Variants in PIEZO1 observed in about 807,000 individuals in gnomAD.
The protein encoded by PIEZO1 is piezo-type mechanosensitive ion channel component 1.
In PIEZO1, 296 loss-of-function variants were observed where a neutral mutation model predicts 297.2. The observed-to-expected ratio is 1.00, with a 90% CI of 0.91 to 1.10. PIEZO1 has a LOEUF of 1.10. PIEZO1 is among the 50% of genes least tolerant of loss of function. PIEZO1 has a pLI of 0.00. For missense variants in PIEZO1, 5,018 were observed against 3,455.5 expected, an observed-to-expected ratio of 1.45 and a Z score of -11.34; for synonymous variants, 2,427 against 1,507.5, an observed-to-expected ratio of 1.61 and a Z score of -14.13.
chr16:88,751,076 G>T (rs901130290), intron 1 of PIEZO1, among the ~76,000 whole-genome samples: 1 of 152,064 alleles, frequency 6.6e-6, no homozygotes, highest in Admixed American at 6.6e-5. Flanking sequence ...CCCATCCTTG[G>T]TGCCAAAGGA....
intron 5 of PIEZO1, chr16:88,740,183 C>T (rs1052220590): frequency 3.9e-5 from 6 of 152,268 alleles, no homozygotes; most frequent in Admixed American, 2.0e-4. Flanking sequence ...GTGTGTTGCC[C>T]ATATGTGGGA....
intron 1 of PIEZO1, among the ~76,000 whole-genome samples, chr16:88,755,295 G>A (rs1252516751): frequency 6.6e-6 from 1 of 152,182 alleles, no homozygotes; most frequent in Non-Finnish European, 1.5e-5. Flanking sequence ...ATTAACCCCG[G>A]GTCTCGGAAT....
intron 1 of PIEZO1, among the ~76,000 whole-genome samples, chr16:88,773,457 C>T (rs1377284060): frequency 2.6e-5 from 4 of 152,230 alleles, no homozygotes. Flanking sequence ...GCACAGACTG[C>T]CTCCACGTGG....
At position 88,722,704 on chromosome 16, in the gene PIEZO1, A is replaced by G; in HGVS notation, c.4669-15T>C. 1 of 1,534,340 alleles carries G rather than the reference A, an allele frequency of 6.5e-7. No individual in the cohort carries two copies. The highest frequency in any genetic ancestry group is 8.7e-7 in the Non-Finnish European group (1 of 1,144,238). On this transcript the variant is annotated splice_polypyrimidine_tract_variant and intron_variant, in intron 34 of 50. Transcript: ENST00000301015. ...ACTTCGCCGCCCTGCAGGGCACAGC[A>G]GGGGGCTCAGGGCTGCGTCCAGCTC...
chr16:88,738,482 ATGTG>A, intron 6 of PIEZO1, 42 bp from the exon 7 acceptor site: 2 of 1,530,784 alleles, frequency 1.3e-6, no homozygotes, highest in South Asian at 2.4e-5. Flanking sequence ...GGCCAGTGCC[ATGTG>A]TCCCGCTGTC....
At chr16:88,731,957 G>GAGGGGGGGT (rs151293846) in intron 21 of PIEZO1, 47 bp from the exon 22 acceptor site, 1 of 97,896 alleles carries the variant, frequency 1.0e-5, no homozygotes, top group Non-Finnish European at 1.9e-5. Flanking sequence ...GAGTCTGGGG[G>GAGGGGGGGT]GAGGGACTTT....
In PIEZO1 at chr16:88,715,900, A is replaced by C. The variant is rs754183551; in HGVS notation, c.7316+33T>G. 3 of 1,535,384 alleles carry C rather than the reference A, an allele frequency of 2.0e-6. No homozygotes were observed. The South Asian group carries it at 3.6e-5, about 18-fold the overall frequency. On this transcript the variant is annotated intron_variant, in intron 50 of 50. Transcript: ENST00000301015. ...TCCTGGGGCCGCCCGGAGCCCCCCG[A>C]GCTGCGGGGTGCCCCCCCAGCCACT...
At chr16:88,748,956 A>T (rs1407025749) in intron 2 of PIEZO1, among the ~76,000 whole-genome samples, 3 of 122,436 alleles carry the variant, frequency 2.5e-5, no homozygotes, top group Non-Finnish European at 5.1e-5. Flanking sequence ...AAAAAAAAAA[A>T]GCCGGGCGCG....
intron 1 of PIEZO1, among the ~76,000 whole-genome samples, chr16:88,761,799 C>T (rs1906946729): frequency 6.6e-6 from 1 of 151,792 alleles, no homozygotes; most frequent in Non-Finnish European, 1.5e-5. Context: ...CACAGACGAC[C>T]AGCAGCGCTG....
intron 1 of PIEZO1, among the ~76,000 whole-genome samples, chr16:88,778,257 T>C (rs1473165931): frequency 6.6e-6 from 1 of 152,136 alleles, no homozygotes; most frequent in Non-Finnish European, 1.5e-5. Flanking sequence ...TTCTTGACTC[T>C]TCCTGGGCCC....
chr16:88,738,414 T>C lies in PIEZO1; in HGVS notation c.661A>G (p.Ser221Gly), dbSNP rs931908026. Residue 221 changes from serine to glycine, a missense_variant, in exon 7 of 51, where the codon AGT becomes GGT. Physicochemically the swap from Ser to Gly is moderately conservative, Grantham distance 56. Transcript: ENST00000301015. ...AGIAHPSALS[S>G]VYLLLFLALC... Reference sequence around the variant, plus strand: ...GCCAGGAAGAGCAGCAGGTAGACACTGGAGAGGGCCGAGGGGTGGGCGATG... The same window carrying C: ...GCCAGGAAGAGCAGCAGGTAGACACCGGAGAGGGCCGAGGGGTGGGCGATG... 6 of 1,535,572 alleles carry C rather than the reference T, an allele frequency of 3.9e-6. No homozygotes were observed. Among genetic ancestry groups the C allele is most frequent in the Non-Finnish European group, 5.2e-6 (6 of 1,146,806 alleles).
At chr16:88,722,802 G>C in intron 34 of PIEZO1, 35 bp downstream of exon 34, 1 of 1,538,030 alleles carries the variant, frequency 6.5e-7, no homozygotes, top group Non-Finnish European at 8.7e-7. Context: ...TAGTCAGGCA[G>C]AGCAGGGACG....
Position 88,719,233 on chromosome 16 carries a change from G to A in PIEZO1, c.6471+341C>T, listed in dbSNP as rs117275468. 1.3e-3 allele frequency: 377 copies of A among 285,882 alleles called. 3 individuals carry two copies. The East Asian group carries it at 0.029, about 22-fold the overall frequency. 17.7% of individuals were successfully genotyped at this position (285,882 alleles called of 1,614,324 possible). Reference sequence around the variant, plus strand: ...CCCTGAGTTGTACTTTTTACGTGGGGGAGTGGTCTGACGCACGAATTCTCT... The same window carrying A: ...CCCTGAGTTGTACTTTTTACGTGGGAGAGTGGTCTGACGCACGAATTCTCT... On this transcript the variant is annotated intron_variant, in intron 44 of 50. Coordinates refer to ENST00000301015, the MANE Select transcript of PIEZO1 (RefSeq NM_001142864.4).
chr16:88,743,818 C>T (rs564884956), intron 2 of PIEZO1: 199 of 369,672 alleles, frequency 5.4e-4, no homozygotes, highest in Non-Finnish European at 7.0e-4. Flanking sequence ...CCTAGGGTTG[C>T]CCCAGGCCCT....
At chr16:88,776,048 A>G (rs540783785) in intron 1 of PIEZO1, among the ~76,000 whole-genome samples, 15 of 152,352 alleles carry the variant, frequency 9.8e-5, no homozygotes, top group African/African-American at 3.4e-4. Flanking sequence ...AGCCAGGCCC[A>G]CGGGCTACAA....
At chr16:88,735,562 T>C (rs912901148) in intron 12 of PIEZO1, among the ~76,000 whole-genome samples, 1 of 152,270 alleles carries the variant, frequency 6.6e-6, no homozygotes, top group Admixed American at 6.5e-5. Flanking sequence ...CATGCTGGAG[T>C]GCATGTTTGC....
chr16:88,767,567 A>G (rs1016266892), intron 1 of PIEZO1, among the ~76,000 whole-genome samples: 2 of 152,188 alleles, frequency 1.3e-5, no homozygotes, highest in African/African-American at 2.4e-5. Context: ...CAGGACCCCA[A>G]GAGCCACATA....
In PIEZO1 at chr16:88,785,192, G is replaced by A. The variant is rs1597495328; in HGVS notation, c.-228C>T. 7.9e-6 allele frequency: 2 copies of A among 253,614 alleles called. No individual in the cohort carries two copies. The highest frequency in any genetic ancestry group is 7.4e-6 in the Non-Finnish European group (1 of 135,322). 15.7% of individuals were successfully genotyped at this position (253,614 alleles called of 1,614,324 possible). On this transcript the variant is annotated 5_prime_UTR_variant, in exon 1 of 51. Transcript: ENST00000301015. ...GCGGAGCGCAGCGCTCGGCTCACTG[G>A]GGCCGAGCTGGGCCGGACGGCGGCT...
Position 88,720,163 on chromosome 16 carries a change from G to T in PIEZO1, c.6070C>A (p.Arg2024Ser). Residue 2024 changes from arginine to serine, a missense_variant, in exon 42 of 51, where the codon CGC (arginine) becomes AGC (serine). Physicochemically the swap from Arg to Ser is moderately radical, Grantham distance 110. Transcript: ENST00000301015. Reference sequence around the variant, plus strand: ...GCCAGCTTGCCCAGCACGGTCTTGCGCAGGTAGAGGGCGCGGTCAACCACC... The same window carrying T: ...GCCAGCTTGCCCAGCACGGTCTTGCTCAGGTAGAGGGCGCGGTCAACCACC... Reference protein sequence around the residue: ...TMVVDRALYLRKTVLGKLAFQ... With the variant: ...TMVVDRALYLSKTVLGKLAFQ... The T allele has an allele frequency of 6.4e-7, 1 of 1,550,484 alleles. No individual in the cohort carries two copies. Among genetic ancestry groups the T allele is most frequent in the East Asian group, 2.4e-5 (1 of 40,928 alleles).
Sources: allele counts gnomAD v4.1 joint callset (sites outside exome capture counted in the v4.1 genomes callset), GRCh38; gene constraint gnomAD v4.1.1; transcripts MANE v1.5; gene names NCBI Gene and HGNC (gene_info 2026-07-23, HGNC 2026-07-21).